BABAM2: variants seen among roughly 807,000 people sequenced by gnomAD.
The protein encoded by BABAM2 is BRISC and BRCA1 A complex member 2, also known as BRISC and BRCA1-A complex member 2.
A neutral mutation model predicts 54.7 loss-of-function variants in BABAM2; 31 were observed. The ratio of observed to expected loss-of-function variants is 0.57; its 90% CI spans 0.43 to 0.77. The LOEUF is 0.77. Ranked by LOEUF, BABAM2 falls within the 30% of genes least tolerant of loss-of-function variation. The pLI is 0.00. For synonymous variants in BABAM2, 167 were observed against 162.9 expected, an observed-to-expected ratio of 1.03 and a Z score of -0.19; for missense variants, 364 against 455.8, an observed-to-expected ratio of 0.80 and a Z score of 1.83.
chr2:28,006,488 CAAAT>C (rs1359370508), intron 4 of BABAM2, among the ~76,000 whole-genome samples: 9 of 151,876 alleles, frequency 5.9e-5, no homozygotes. Context: ...CAAAATGAGA[CAAAT>C]AAGTGTATAG....
intron 7 of BABAM2, among the ~76,000 whole-genome samples, chr2:28,149,088 CCATTGTA>C (rs1197984143): frequency 6.6e-6 from 1 of 152,096 alleles, no homozygotes; most frequent in Admixed American, 6.5e-5. Flanking sequence ...AATGCTAAGC[CCATTGTA>C]CTATTCCAAA....
chr2:28,087,673 G>A (rs1275258891), intron 6 of BABAM2, among the ~76,000 whole-genome samples: 1 of 150,378 alleles, frequency 6.6e-6, no homozygotes, highest in Non-Finnish European at 1.5e-5. Flanking sequence ...TTTTTTGACA[G>A]AGTCTCGCTC....
intron 3 of BABAM2, among the ~76,000 whole-genome samples, chr2:27,954,744 T>A (rs1466280881): frequency 6.6e-6 from 1 of 152,266 alleles, no homozygotes; most frequent in Non-Finnish European, 1.5e-5. Context: ...CGAATTAATA[T>A]TAATGTTAAA....
At chr2:28,025,149 T>C in intron 4 of BABAM2, 77 bp from the exon 5 acceptor site, 1 of 1,303,712 alleles carries the variant, frequency 7.7e-7, no homozygotes, top group Admixed American at 2.4e-5. Context: ...TTCCTCTACA[T>C]TGATGTGTGA....
chr2:27,967,439 T>G (rs573138507), intron 3 of BABAM2, among the ~76,000 whole-genome samples: 4 of 152,210 alleles, frequency 2.6e-5, no homozygotes, highest in African/African-American at 9.7e-5. Flanking sequence ...CAGCCACATG[T>G]CACTGTGAGT....
intron 7 of BABAM2, among the ~76,000 whole-genome samples, chr2:28,193,267 G>C (rs1225309035): frequency 6.6e-6 from 1 of 152,298 alleles, no homozygotes; most frequent in Middle Eastern, 3.4e-3. Flanking sequence ...GTTTGTTCAA[G>C]ATAGAGGCTA....
chr2:28,265,410 G>A (rs1414860106), intron 10 of BABAM2, among the ~76,000 whole-genome samples: 1 of 152,200 alleles, frequency 6.6e-6, no homozygotes, highest in Non-Finnish European at 1.5e-5. Flanking sequence ...CTAGGTGACA[G>A]AGCGAGACTC....
At chr2:28,099,608 A>G (rs752461023) in intron 6 of BABAM2, among the ~76,000 whole-genome samples, 4 of 152,150 alleles carry the variant, frequency 2.6e-5, no homozygotes, top group Non-Finnish European at 5.9e-5. Context: ...TTATTTAGTT[A>G]TTATAGCCAT....
At chr2:27,904,141 G>C (rs1446304146) in intron 2 of BABAM2, among the ~76,000 whole-genome samples, 1 of 152,196 alleles carries the variant, frequency 6.6e-6, no homozygotes, top group Non-Finnish European at 1.5e-5. Context: ...GAGTTGGAAG[G>C]TGTGAGAACA....
At chr2:28,267,796 G>T (rs903184029) in intron 10 of BABAM2, among the ~76,000 whole-genome samples, 2 of 152,202 alleles carry the variant, frequency 1.3e-5, no homozygotes, top group African/African-American at 4.8e-5. Context: ...CCACCTCACT[G>T]CAGGAAGGCT....
intron 7 of BABAM2, among the ~76,000 whole-genome samples, chr2:28,171,504 T>C (rs1674320296): frequency 6.6e-6 from 1 of 152,068 alleles, no homozygotes; most frequent in South Asian, 2.1e-4. Context: ...GGCTAGGGAG[T>C]GGAGGGGACG....
intron 10 of BABAM2, among the ~76,000 whole-genome samples, chr2:28,264,346 A>G (rs1684796601): frequency 6.6e-6 from 1 of 152,224 alleles, no homozygotes; most frequent in Admixed American, 6.5e-5. Flanking sequence ...CCTGTATTGA[A>G]AAAAGAAAAA....
At position 28,111,587 on chromosome 2, in the gene BABAM2, C is replaced by T. The variant is rs1668028252; in HGVS notation, c.571-17684C>T. Among the ~76,000 whole-genome samples the T allele has an allele frequency of 2.0e-5, 3 of 152,242 alleles. No homozygotes were observed. In the South Asian group the frequency reaches 6.2e-4, roughly 32 times the overall value. ...TAAAATATCTTCCACTCTCCTAGAC[C>T]AGTGAAACATCATAGTTCATCTGTG... On this transcript the variant is annotated intron_variant, in intron 6 of 11. Transcript: ENST00000379624.
At chr2:28,318,040 C>T (rs1375846659) in intron 11 of BABAM2, among the ~76,000 whole-genome samples, 1 of 152,144 alleles carries the variant, frequency 6.6e-6, no homozygotes, top group Non-Finnish European at 1.5e-5. Context: ...CTTTTTGGTC[C>T]TCTCTGGTGA....
At chr2:27,967,362 G>A (rs2148443224) in intron 3 of BABAM2, among the ~76,000 whole-genome samples, 1 of 152,268 alleles carries the variant, frequency 6.6e-6, no homozygotes, top group Admixed American at 6.5e-5. Context: ...CTCTTTTCCT[G>A]CTGCTATCCA....
intron 10 of BABAM2, among the ~76,000 whole-genome samples, chr2:28,285,151 T>C (rs1175289971): frequency 1.3e-5 from 2 of 152,158 alleles, no homozygotes; most frequent in South Asian, 2.1e-4. Flanking sequence ...TGAGCACTTT[T>C]CTATGTGCAA....
At chr2:28,234,778 T>G (rs546098522) in intron 7 of BABAM2, among the ~76,000 whole-genome samples, 1 of 152,330 alleles carries the variant, frequency 6.6e-6, no homozygotes, top group African/African-American at 2.4e-5. Context: ...CCTTATGAAA[T>G]CATTAGAACC....
chr2:28,286,704 G>A (rs150709561), intron 10 of BABAM2, among the ~76,000 whole-genome samples: 49 of 152,232 alleles, frequency 3.2e-4, no homozygotes, highest in African/African-American at 1.2e-3. Context: ...GAAGCCCTTC[G>A]ATGGAGTATC....
At chr2:28,303,436 T>G (rs921037580) in intron 11 of BABAM2, among the ~76,000 whole-genome samples, 2 of 152,222 alleles carry the variant, frequency 1.3e-5, no homozygotes, top group Non-Finnish European at 2.9e-5. Context: ...TTGTTGAAAA[T>G]ACTTTTCTTT....
Sources: allele counts gnomAD v4.1 joint callset (sites outside exome capture counted in the v4.1 genomes callset), GRCh38; gene constraint gnomAD v4.1.1; transcripts MANE v1.5; gene names NCBI Gene and HGNC (gene_info 2026-07-23, HGNC 2026-07-21).